The following CAST variants were observed in gnomAD, a reference collection of about 807,000 sequenced individuals.
CAST encodes the protein calpastatin.
Under a neutral mutation model 119.6 loss-of-function variants are expected in CAST, and 76 were observed. That is an observed-to-expected ratio of 0.64 (90% CI 0.53 to 0.77). CAST has a LOEUF of 0.77. Among genes scored for constraint, CAST ranks in the 30% least tolerant of loss-of-function variants. The probability of loss-of-function intolerance (pLI) is 0.00; values close to 1 mark genes in which losing one functional copy is unlikely to be tolerated. For synonymous variants in CAST, 319 were observed against 331.6 expected (o/e 0.96, Z 0.41); for missense variants, 953 against 946.5 (o/e 1.01, Z -0.09).
At chr5:96,464,499 A>G in the CAST span, among the ~76,000 whole-genome samples, 2 of 152,078 alleles carry the variant, frequency 1.3e-5, no homozygotes, top group African/African-American at 4.8e-5. Flanking sequence ...AGTATACTAG[A>G]GATTTTTCTC....
chr5:96,077,741 A>G, the CAST span, among the ~76,000 whole-genome samples: 15 of 151,964 alleles, frequency 9.9e-5, no homozygotes, highest in Non-Finnish European at 1.8e-4. Context: ...TCCTTCTACC[A>G]TGAGTGGAAG....
the CAST span, among the ~76,000 whole-genome samples, chr5:96,110,449 C>G: frequency 6.6e-6 from 1 of 152,138 alleles, no homozygotes; most frequent in Non-Finnish European, 1.5e-5. Flanking sequence ...ACCTCTCAAA[C>G]AAATGGGCCA....
the CAST span, among the ~76,000 whole-genome samples, chr5:96,350,668 A>AT: frequency 6.6e-6 from 1 of 151,910 alleles, no homozygotes; most frequent in Non-Finnish European, 1.5e-5. Context: ...TGGCTTAGTG[A>AT]TTTTGGGGTC....
the CAST span, among the ~76,000 whole-genome samples, chr5:96,080,399 C>T: frequency 6.6e-6 from 1 of 152,136 alleles, no homozygotes; most frequent in Non-Finnish European, 1.5e-5. Context: ...AAGCTTATTA[C>T]AAATACTGAT....
At chr5:96,043,776 G>A in the CAST span, among the ~76,000 whole-genome samples, 4 of 152,170 alleles carry the variant, frequency 2.6e-5, no homozygotes, top group Non-Finnish European at 5.9e-5. Context: ...GGAAATAAAA[G>A]TATCCTGATT....
At chr5:96,631,637 G>C (rs967969250) in intron 1 of CAST, among the ~76,000 whole-genome samples, 1 of 97,586 alleles carries the variant, frequency 1.0e-5, no homozygotes, top group African/African-American at 3.2e-5. Flanking sequence ...CTGGAGTGCA[G>C]TGGTGAGATC....
the CAST span, among the ~76,000 whole-genome samples, chr5:96,255,546 A>G: frequency 7.3e-6 from 1 of 136,408 alleles, no homozygotes; most frequent in East Asian, 2.1e-4. Flanking sequence ...CAGTAATAAA[A>G]CCAGGTCAGT....
the CAST span, among the ~76,000 whole-genome samples, chr5:96,246,213 T>C: frequency 2.1e-5 from 3 of 143,398 alleles, no homozygotes; most frequent in East Asian, 4.0e-4. Context: ...GACGGAGTCT[T>C]GCTCTGTCGC....
chr5:96,259,884 CTTT>C, the CAST span, among the ~76,000 whole-genome samples: 608 of 141,512 alleles, frequency 4.3e-3, 4 homozygotes, highest in African/African-American at 0.015. Context: ...GATTACATTG[CTTT>C]TTTTTTTTTT....
the CAST span, among the ~76,000 whole-genome samples, chr5:96,357,062 G>T: frequency 2.7e-4 from 41 of 152,258 alleles, no homozygotes; most frequent in Non-Finnish European, 5.9e-4. Flanking sequence ...CTTGTAAGTT[G>T]CATTCCTAGG....
At chr5:96,246,187 C>CTTTTTTTTCTTTTTT in the CAST span, among the ~76,000 whole-genome samples, 2 of 76,386 alleles carry the variant, frequency 2.6e-5, 1 homozygote, top group Non-Finnish European at 4.9e-5. Flanking sequence ...GTCTGTCTTC[C>CTTTTTTTTCTTTTTT]TTTTTTTTTT....
the CAST span, among the ~76,000 whole-genome samples, chr5:96,226,571 C>T: frequency 4.4e-4 from 67 of 152,086 alleles, 1 homozygote; most frequent in Admixed American, 1.4e-3. Context: ...GTGGGAGGAT[C>T]GGTCAAGCCT....
the CAST span, among the ~76,000 whole-genome samples, chr5:96,271,096 A>G: frequency 6.6e-6 from 1 of 152,180 alleles, no homozygotes; most frequent in African/African-American, 2.4e-5. Flanking sequence ...AGATCTATAT[A>G]AGGAAAACTA....
chr5:95,961,895 A>G, the CAST span: 2 of 720,204 alleles, frequency 2.8e-6, no homozygotes, highest in Admixed American at 8.9e-5. Context: ...CACCCGCCCC[A>G]CCCTCCGGCC....
At chr5:96,171,527 G>A in the CAST span, among the ~76,000 whole-genome samples, 2 of 152,286 alleles carry the variant, frequency 1.3e-5, no homozygotes, top group Non-Finnish European at 2.9e-5. Flanking sequence ...GCGTCCCGGC[G>A]GTGATCAGAC....
the CAST span, among the ~76,000 whole-genome samples, chr5:96,446,194 A>AAT: frequency 4.6e-4 from 70 of 152,120 alleles, 2 homozygotes; most frequent in South Asian, 6.0e-3. Flanking sequence ...AAAAAAAAAA[A>AAT]ATCACAGAAC....
At chr5:96,755,485 T>C (rs1245079366) in intron 22 of CAST, among the ~76,000 whole-genome samples, 1 of 152,238 alleles carries the variant, frequency 6.6e-6, no homozygotes, top group African/African-American at 2.4e-5. Flanking sequence ...TCTTCTATTT[T>C]GAAAGTACAG....
the CAST span, among the ~76,000 whole-genome samples, chr5:96,287,247 C>T: frequency 6.6e-6 from 1 of 152,076 alleles, no homozygotes; most frequent in African/African-American, 2.4e-5. Context: ...TTCCCCCCTC[C>T]CCTTTCCTTC....
At chr5:96,753,462 A>G (rs958038752) in intron 20 of CAST, among the ~76,000 whole-genome samples, 3 of 152,126 alleles carry the variant, frequency 2.0e-5, no homozygotes, top group African/African-American at 7.2e-5. Flanking sequence ...AGTTCATTAC[A>G]TTTGGGGGAG....
Sources: gnomAD v4.1 joint callset for allele counts (sites outside exome capture counted in the v4.1 genomes callset) on GRCh38, gnomAD v4.1.1 for gene constraint, MANE v1.5 for transcripts, NCBI Gene and HGNC (gene_info 2026-07-23, HGNC 2026-07-21) for gene names.